The following EPS15L1 variants were observed in gnomAD, a reference collection of about 807,000 sequenced individuals.
The protein encoded by EPS15L1 is epidermal growth factor receptor pathway substrate 15 like 1, also known as epidermal growth factor receptor substrate 15-like 1.
In EPS15L1, 43 loss-of-function variants were observed where a neutral mutation model predicts 117.1. That is an observed-to-expected ratio of 0.37 (90% CI 0.29 to 0.47). The LOEUF (loss-of-function observed/expected upper bound fraction) is 0.47, where lower values mean the gene tolerates loss of function less well. EPS15L1 is among the 20% of genes least tolerant of loss of function. The pLI is 0.99. For missense variants in EPS15L1, 981 were observed against 1,164.0 expected (o/e 0.84, Z 2.29); for synonymous variants, 459 against 470.5 (o/e 0.98, Z 0.32).
chr19:16,440,337 GCA>G (rs1475658347), intron 4 of EPS15L1, among the ~76,000 whole-genome samples: 1 of 152,052 alleles, frequency 6.6e-6, no homozygotes, highest in East Asian at 1.9e-4. Context: ...AGAGGCTGAG[GCA>G]GGGGAATCAC....
chr19:16,393,145 TAG>T (rs1407967388), intron 18 of EPS15L1, among the ~76,000 whole-genome samples: 5 of 150,264 alleles, frequency 3.3e-5, no homozygotes, highest in African/African-American at 9.8e-5. Context: ...GGTAAATCCA[TAG>T]AGACAGAAAA....
At chr19:16,436,633 A>G in intron 6 of EPS15L1, 1 of 303,018 alleles carries the variant, frequency 3.3e-6, no homozygotes, top group South Asian at 8.5e-5. Flanking sequence ...ACAGAATGTG[A>G]CCTAAAGATG....
chr19:16,384,631 GTCC>G lies in EPS15L1; in HGVS notation c.2247+495_2247+497del, dbSNP rs199695650. 4.7e-3 allele frequency among the ~76,000 whole-genome samples: 722 copies of G among 152,294 alleles called. 5 individuals are homozygous for G. The highest frequency in any genetic ancestry group is 0.017 in the African/African-American group (693 of 41,558). On this transcript the variant is annotated intron_variant, in intron 21 of 23. Coordinates refer to ENST00000455140, the MANE Select transcript of EPS15L1 (RefSeq NM_001258374.3). ...CAGTCTGGTAACCAGCCTCGCTGCTGTCCTCCTTCAACAGTTCACTCCTCACCT... is the reference window on the plus strand; with the variant it reads ...CAGTCTGGTAACCAGCCTCGCTGCTGTCCTTCAACAGTTCACTCCTCACCT...
intron 1 of EPS15L1, among the ~76,000 whole-genome samples, chr19:16,444,625 G>A (rs1329547896): frequency 6.6e-6 from 1 of 152,156 alleles, no homozygotes; most frequent in Non-Finnish European, 1.5e-5. Flanking sequence ...CACATCGCCT[G>A]CCATGGGTTC....
At chr19:16,440,667 A>C (rs548679912) in intron 4 of EPS15L1, 195 bp downstream of exon 4, 5 of 463,890 alleles carry the variant, frequency 1.1e-5, no homozygotes, top group African/African-American at 1.0e-4. Context: ...TAAAAGATAC[A>C]CTAGCCATGA....
chr19:16,459,414 C>A (rs2093227390), intron 1 of EPS15L1, among the ~76,000 whole-genome samples: 2 of 152,176 alleles, frequency 1.3e-5, no homozygotes, highest in African/African-American at 4.8e-5. Flanking sequence ...AGGGATCACG[C>A]TGTGCCCTCC....
At chr19:16,430,910 G>A (rs888621236) in intron 7 of EPS15L1, among the ~76,000 whole-genome samples, 2 of 152,226 alleles carry the variant, frequency 1.3e-5, no homozygotes, top group Non-Finnish European at 2.9e-5. Flanking sequence ...GGGATGCGGA[G>A]GGACATGGGT....
In EPS15L1 at chr19:16,421,476, G is replaced by C; in HGVS notation, c.793C>G (p.Pro265Ala). The C allele has an allele frequency of 6.2e-7, 1 of 1,608,494 alleles. No individual in the cohort carries two copies. Among genetic ancestry groups the C allele is most frequent in the East Asian group, 2.2e-5 (1 of 44,712 alleles). ...ACGGGCACCACCCAGTTCACTGTTG[G>C]CTGAAACAGTTTTTGGCAAAACAGT... ...SPKHSLKQTQ[P>A]TVNWVVPVAD... Residue 265 changes from proline (P) to alanine (A), a missense_variant and splice_region_variant, in exon 10 of 24, where the codon CCA (proline) becomes GCA (alanine). By Grantham distance (27) the Pro-to-Ala change is conservative. Coordinates refer to ENST00000455140, the MANE Select transcript of EPS15L1 (RefSeq NM_001258374.3).
intron 23 of EPS15L1, among the ~76,000 whole-genome samples, chr19:16,359,064 G>A (rs2092018906): frequency 6.6e-6 from 1 of 152,142 alleles, no homozygotes; most frequent in Admixed American, 6.5e-5. Context: ...GGCACCGCCG[G>A]GGCACCACCT....
chr19:16,471,664 T>C lies in EPS15L1; in HGVS notation c.33+249A>G, dbSNP rs1234730034. 2.6e-5 allele frequency among the ~76,000 whole-genome samples: 4 copies of C among 152,072 alleles called. No individual in the cohort carries two copies. The highest frequency in any genetic ancestry group is 3.4e-3 in the Middle Eastern group (1 of 290). On this transcript the variant is annotated intron_variant, in intron 1 of 23. Coordinates refer to ENST00000455140, the MANE Select transcript of EPS15L1 (RefSeq NM_001258374.3). This position sits in a 1 kb window ranked among gnomAD's most constrained non-coding sequence, Gnocchi z 4.8. ...TTCAGCGGCGGCAGGGTCCGGGCCC[T>C]GGGCGGAGAGGACACGCGCTGCGCA... is the stretch of plus-strand genomic sequence containing the variant.
chr19:16,396,306 G>A (rs1460818185), intron 16 of EPS15L1, among the ~76,000 whole-genome samples: 5 of 152,190 alleles, frequency 3.3e-5, no homozygotes, highest in African/African-American at 1.2e-4. Context: ...CTGTTGTCCA[G>A]GTTGGAGTGC....
At chr19:16,359,068 A>T (rs971936977) in intron 23 of EPS15L1, among the ~76,000 whole-genome samples, 2 of 152,186 alleles carry the variant, frequency 1.3e-5, no homozygotes, top group Non-Finnish European at 2.9e-5. Context: ...CCGCCGGGGC[A>T]CCACCTCCAC....
At chr19:16,389,126 T>C (rs4808500) in intron 19 of EPS15L1, among the ~76,000 whole-genome samples, 145,070 of 151,594 alleles carry the variant, frequency 0.96, 69,596 homozygotes, top group African/African-American at 0.99. Flanking sequence ...TCGCTTGAAC[T>C]TGGGAGGCGG....
At position 16,404,516 on chromosome 19, in the gene EPS15L1, C is replaced by T. The variant is rs2092635189; in HGVS notation, c.1428+72G>A. On this transcript the variant is annotated intron_variant, in intron 14 of 23. Coordinates refer to ENST00000455140, the MANE Select transcript of EPS15L1 (RefSeq NM_001258374.3). This position sits in a 1 kb window ranked among gnomAD's most constrained non-coding sequence, Gnocchi z 4.2. The stretch of plus-strand genomic sequence containing the variant: ...CTAAGTGTTGTGTTCCCAGGTAACA[C>T]GAGCTCAGGGGAGTCCTTGGGAAGC... 9.1e-6 allele frequency: 14 copies of T among 1,542,110 alleles called. No individual in the cohort carries two copies. In the Admixed American group the frequency reaches 1.1e-4, roughly 12 times the overall value.
intron 1 of EPS15L1, among the ~76,000 whole-genome samples, chr19:16,470,884 C>A (rs2093341465): frequency 1.3e-5 from 2 of 152,146 alleles, no homozygotes; most frequent in Non-Finnish European, 2.9e-5. Context: ...CGCTTTTTCA[C>A]GTGCTTAATT....
chr19:16,369,809 G>GAAA lies in EPS15L1; in HGVS notation c.2380+7310_2380+7312dup, dbSNP rs2092195366. Among the ~76,000 whole-genome samples, 3 of 152,086 alleles carry GAAA rather than the reference G, an allele frequency of 2.0e-5. No homozygotes were observed. In the South Asian group the frequency reaches 6.2e-4, roughly 31 times the overall value. ...CAGGTGTCACAATTCTGGCTTCTTT[G>GAAA]AAAATTCGCATTTGTTCTCTGGCGG... On this transcript the variant is annotated intron_variant, in intron 22 of 23. Coordinates refer to ENST00000455140, the MANE Select transcript of EPS15L1 (RefSeq NM_001258374.3).
intron 6 of EPS15L1, among the ~76,000 whole-genome samples, chr19:16,435,545 A>G (rs569486510): frequency 1.6e-4 from 25 of 152,300 alleles, no homozygotes; most frequent in Non-Finnish European, 2.8e-4. Context: ...TTTAATTTTT[A>G]AAAGACAAAA....
intron 19 of EPS15L1, among the ~76,000 whole-genome samples, chr19:16,388,563 C>T (rs1354642271): frequency 1.3e-5 from 2 of 152,188 alleles, no homozygotes; most frequent in African/African-American, 2.4e-5. Flanking sequence ...CACGGTGGCT[C>T]ACGCCTGTAA....
intron 1 of EPS15L1, among the ~76,000 whole-genome samples, chr19:16,467,597 T>G (rs899179249): frequency 3.3e-5 from 5 of 152,100 alleles, no homozygotes; most frequent in African/African-American, 1.2e-4. Context: ...ATTCTGGATC[T>G]TTCAGGAGTG....
Sources: gnomAD v4.1 joint callset for allele counts (sites outside exome capture counted in the v4.1 genomes callset) on GRCh38, gnomAD v4.1.1 for gene constraint, Gnocchi (gnomAD v3.1) non-coding constraint, MANE v1.5 for transcripts, NCBI Gene and HGNC (gene_info 2026-07-23, HGNC 2026-07-21) for gene names.